Variants in SOX6 observed in about 807,000 individuals in gnomAD.
The protein encoded by SOX6 is SRY-box transcription factor 6.
SOX6 carries 11 observed loss-of-function variants against 97.8 expected under a neutral mutation model. The ratio of observed to expected loss-of-function variants is 0.11; its 90% CI spans 0.07 to 0.19. SOX6 has a LOEUF of 0.19. SOX6 is among the 10% of genes least tolerant of loss of function. The pLI is 1.00. For synonymous variants in SOX6, 360 were observed against 371.4 expected (o/e 0.97, Z 0.35); for missense variants, 810 against 1,039.5 (o/e 0.78, Z 3.04).
intron 3 of SOX6, among the ~76,000 whole-genome samples, chr11:16,282,224 A>C (rs187563995): frequency 3.4e-4 from 51 of 151,082 alleles, no homozygotes; most frequent in Non-Finnish European, 6.2e-4. Context: ...CATTGAGGTG[A>C]AGAGATGCAA....
chr11:16,402,700 C>A lies in SOX6; in HGVS notation c.-4-61448G>T, dbSNP rs371763076. 2.5e-5 allele frequency: 40 copies of A among 1,610,928 alleles called. No homozygotes were observed. In the African/African-American group the frequency reaches 5.1e-4, roughly 20 times the overall value. ...CCTTCCTCCACCCACTCCTGTTTCA[C>A]CTGACTAAACTGTAGGTATTTGTTC... is the stretch of plus-strand genomic sequence containing the variant. On this transcript the variant is annotated intron_variant, in intron 1 of 15. Transcript: ENST00000396356.
chr11:16,320,669 A>C (rs2218001), intron 2 of SOX6, among the ~76,000 whole-genome samples: 25,690 of 152,074 alleles, frequency 0.17, 2,655 homozygotes, highest in Admixed American at 0.29. Flanking sequence ...TATGAAGTAA[A>C]AAATGTTCAT....
chr11:16,389,706 C>T (rs1858103211), intron 1 of SOX6, among the ~76,000 whole-genome samples: 1 of 151,942 alleles, frequency 6.6e-6, no homozygotes, highest in Non-Finnish European at 1.5e-5. Flanking sequence ...CGGTGGCTCA[C>T]GCCTGTAATC....
chr11:16,132,788 C>A (rs904360512), intron 6 of SOX6, among the ~76,000 whole-genome samples: 5 of 151,198 alleles, frequency 3.3e-5, no homozygotes, highest in Non-Finnish European at 7.4e-5. Context: ...CAATTTTATA[C>A]CACAAGGACA....
At chr11:16,526,315 G>A (rs11023979) in intron 4 of SOX6, among the ~76,000 whole-genome samples, 35,316 of 151,878 alleles carry the variant, frequency 0.23, 4,839 homozygotes, top group Non-Finnish European at 0.3. Context: ...AAAAAATGAT[G>A]AGTTCATGTC....
intron 4 of SOX6, among the ~76,000 whole-genome samples, chr11:16,577,590 A>G (rs529390770): frequency 6.6e-6 from 1 of 152,202 alleles, no homozygotes; most frequent in African/African-American, 2.4e-5. Flanking sequence ...AACATTTTTT[A>G]GTTTCTGGGT....
chr11:16,131,944 T>C (rs755070019), intron 6 of SOX6, among the ~76,000 whole-genome samples: 1 of 151,918 alleles, frequency 6.6e-6, no homozygotes, highest in African/African-American at 2.4e-5. Context: ...ACAAGGAAAC[T>C]CTTCGGGACT....
intron 3 of SOX6, among the ~76,000 whole-genome samples, chr11:16,284,953 G>A (rs1363558108): frequency 6.6e-6 from 1 of 151,836 alleles, no homozygotes; most frequent in Admixed American, 6.6e-5. Context: ...TATGACCATT[G>A]GCATATAACT....
At chr11:16,130,066 T>A (rs946724162) in intron 6 of SOX6, among the ~76,000 whole-genome samples, 26 of 152,148 alleles carry the variant, frequency 1.7e-4, no homozygotes, top group African/African-American at 6.0e-4. Context: ...TAAGAATTTT[T>A]TTAAAGTGGC....
At chr11:15,994,821 A>G (rs1351838987) in intron 13 of SOX6, among the ~76,000 whole-genome samples, 3 of 152,196 alleles carry the variant, frequency 2.0e-5, no homozygotes, top group African/African-American at 7.2e-5. Context: ...CTGTCCTCCA[A>G]TAGATAATAA....
At position 16,341,191 on chromosome 11, in the gene SOX6, T is replaced by C. The variant is rs1267065649; in HGVS notation, c.58A>G (p.Met20Val). 3 of 1,613,556 alleles carry C rather than the reference T, an allele frequency of 1.9e-6. No individual in the cohort carries two copies. Among genetic ancestry groups the C allele is most frequent in the South Asian group, 1.1e-5 (1 of 91,072 alleles). Reference sequence around the variant, plus strand: ...TCCCTTGAGGTTAAATCCTGGGTCATTGCATCCTCTCCATCAGCTGCACAG... The same window carrying C: ...TCCCTTGAGGTTAAATCCTGGGTCACTGCATCCTCTCCATCAGCTGCACAG... Reference protein sequence around the residue: ...FACAADGEDAMTQDLTSREKE... With the variant: ...FACAADGEDAVTQDLTSREKE... Residue 20 changes from methionine to valine, a missense_variant, in exon 2 of 16, where the codon ATG (methionine) becomes GTG (valine). Met to Val is a conservative substitution (Grantham distance 21). Around this residue, in one of 9 missense-constraint regions of SOX6, gnomAD observed 100 missense variants for 94.6 expected, o/e 1.06. Coordinates refer to ENST00000683767, the MANE Select transcript of SOX6 (RefSeq NM_001367873.1).
chr11:16,064,036 C>G (rs1848030605), intron 9 of SOX6, among the ~76,000 whole-genome samples: 1 of 151,632 alleles, frequency 6.6e-6, no homozygotes, highest in African/African-American at 2.4e-5. Flanking sequence ...TACAGTTACT[C>G]TCTAAAATGG....
intron 3 of SOX6, among the ~76,000 whole-genome samples, chr11:16,662,241 G>A (rs901629572): frequency 1.3e-5 from 2 of 152,132 alleles, no homozygotes; most frequent in African/African-American, 4.8e-5. Flanking sequence ...GTCTGAGAAA[G>A]TCATTATCTT....
intron 3 of SOX6, chr11:16,311,840 G>A (rs376328025): frequency 2.6e-5 from 4 of 152,098 alleles, no homozygotes; most frequent in East Asian, 1.9e-4. Context: ...TCTATCAGAG[G>A]AGCAAAACAC....
intron 3 of SOX6, among the ~76,000 whole-genome samples, chr11:16,268,062 G>C (rs2134224523): frequency 6.6e-6 from 1 of 151,408 alleles, no homozygotes; most frequent in South Asian, 2.1e-4. Flanking sequence ...TGGAGAGATG[G>C]CAATCAATGG....
intron 9 of SOX6, among the ~76,000 whole-genome samples, chr11:16,069,721 C>T (rs1264820917): frequency 1.3e-5 from 2 of 152,120 alleles, no homozygotes; most frequent in African/African-American, 4.8e-5. Flanking sequence ...TTTATTTTCA[C>T]CCACTTTGAG....
intron 3 of SOX6, among the ~76,000 whole-genome samples, chr11:16,266,228 GATTCCTC>G (rs1854079935): frequency 6.6e-6 from 1 of 151,716 alleles, no homozygotes; most frequent in Admixed American, 6.6e-5. Flanking sequence ...TGTGACAGCT[GATTCCTC>G]ATTGAAAACA....
intron 1 of SOX6, among the ~76,000 whole-genome samples, chr11:16,438,130 AGTGTGTATAT>A (rs1859422595): frequency 6.6e-6 from 1 of 152,058 alleles, no homozygotes; most frequent in Non-Finnish European, 1.5e-5. Context: ...TGTGTGTGTG[AGTGTGTATAT>A]GTGTGTATAC....
intron 3 of SOX6, among the ~76,000 whole-genome samples, chr11:16,662,976 C>G (rs1847777547): frequency 6.6e-6 from 1 of 151,784 alleles, no homozygotes; most frequent in African/African-American, 2.4e-5. Context: ...TACGTGTAAG[C>G]CACCATACCC....
Sources: allele counts gnomAD v4.1 joint callset (sites outside exome capture counted in the v4.1 genomes callset), GRCh38; gene constraint gnomAD v4.1.1; regional missense constraint gnomAD v4.1.1; transcripts MANE v1.5; gene names NCBI Gene and HGNC (gene_info 2026-07-23, HGNC 2026-07-21).